Variants in BIRC2 observed in about 807,000 individuals in gnomAD.
The protein encoded by BIRC2 is baculoviral IAP repeat-containing protein 2.
Under a neutral mutation model 60.9 loss-of-function variants are expected in BIRC2, and 18 were observed. The observed-to-expected ratio is 0.30, with a 90% CI of 0.20 to 0.44. The LOEUF is 0.44. Among genes scored for constraint, BIRC2 ranks in the 20% least tolerant of loss-of-function variants. BIRC2 has a pLI of 1.00. For synonymous variants in BIRC2, 282 were observed against 247.7 expected (o/e 1.14, Z -1.30); for missense variants, 701 against 728.5 (o/e 0.96, Z 0.43).
Position 102,350,677 on chromosome 11 carries a change from A to G in BIRC2, c.823A>G (p.Thr275Ala), listed in dbSNP as rs778432166. The stretch of plus-strand genomic sequence containing the variant: ...GCAGACACATGCAGCTCGAATGAGA[A>G]CATTTATGTACTGGCCATCTAGTGT... ...SMQTHAARMR[T>A]FMYWPSSVPV... The change falls in exon 2 of 9, where the codon ACA becomes GCA. Residue 275 changes from threonine to alanine, a missense_variant. Coordinates refer to ENST00000227758, the MANE Select transcript of BIRC2 (RefSeq NM_001166.5). 13 of 1,613,668 alleles carry G rather than the reference A, an allele frequency of 8.1e-6. No homozygotes were observed. Among genetic ancestry groups the G allele is most frequent in the Non-Finnish European group, 1.1e-5 (13 of 1,179,988 alleles).
chr11:102,357,112 A>G (rs561781814), intron 3 of BIRC2, among the ~76,000 whole-genome samples: 1 of 152,222 alleles, frequency 6.6e-6, no homozygotes, highest in East Asian at 1.9e-4. Flanking sequence ...TCGGTTTGCT[A>G]GTATTTGTTG....
intron 5 of BIRC2, among the ~76,000 whole-genome samples, chr11:102,364,174 T>TACACACACACACAC (rs376590420): frequency 1.0e-4 from 8 of 78,100 alleles, no homozygotes; most frequent in African/African-American, 4.7e-4. Flanking sequence ...TATATATATA[T>TACACACACACACAC]ACACACACAC....
At position 102,377,869 on chromosome 11, in the gene BIRC2, T is replaced by C; in HGVS notation, c.1634T>C (p.Met545Thr). ...LYKNLFVDKN[M>T]KYIPTEDVSG... ...TTTCTTTCCTCAGTGGATAAGAATA[T>C]GAAGTATATTCCAACAGAAGATGTT... Residue 545 changes from methionine to threonine, a missense_variant, in exon 8 of 9, where the codon ATG (methionine) becomes ACG (threonine). Around this residue, in one of 4 missense-constraint regions of BIRC2, gnomAD observed 235 missense variants for 208.9 expected, o/e 1.12. Coordinates refer to ENST00000227758, the MANE Select transcript of BIRC2 (RefSeq NM_001166.5). The C allele has an allele frequency of 6.2e-7, 1 of 1,610,786 alleles. No individual in the cohort carries two copies. Among genetic ancestry groups the C allele is most frequent in the East Asian group, 2.2e-5 (1 of 44,852 alleles).
intron 6 of BIRC2, among the ~76,000 whole-genome samples, chr11:102,374,387 G>T (rs1160860593): frequency 6.7e-6 from 1 of 148,428 alleles, no homozygotes; most frequent in African/African-American, 2.5e-5. Flanking sequence ...CCTTCTAACA[G>T]ACAGGACCCT....
chr11:102,361,222 A>T (rs1951481993), intron 3 of BIRC2, among the ~76,000 whole-genome samples: 1 of 152,094 alleles, frequency 6.6e-6, no homozygotes, highest in Non-Finnish European at 1.5e-5. Context: ...TGGGTTCAGG[A>T]TGTTGACTAG....
intron 6 of BIRC2, among the ~76,000 whole-genome samples, chr11:102,370,384 G>A: frequency 6.0e-5 from 7 of 116,746 alleles, no homozygotes; most frequent in Admixed American, 1.8e-4. Flanking sequence ...TTCTACATAT[G>A]GCTAGCCAGT....
intron 3 of BIRC2, among the ~76,000 whole-genome samples, chr11:102,356,900 C>T (rs904889610): frequency 6.6e-6 from 1 of 151,636 alleles, no homozygotes; most frequent in Non-Finnish European, 1.5e-5. Flanking sequence ...AAACTCCTGA[C>T]CTCAGGTGAT....
chr11:102,364,178 CACACACACAGAGAGAGAG>C (rs1951524476), intron 5 of BIRC2, among the ~76,000 whole-genome samples: 2 of 62,740 alleles, frequency 3.2e-5, no homozygotes, highest in African/African-American at 1.8e-4. Flanking sequence ...TATATATACA[CACACACACAGAGAGAGAG>C]AGAGAGAGAG....
At chr11:102,366,117 A>C (rs1951550352) in intron 5 of BIRC2, among the ~76,000 whole-genome samples, 1 of 152,176 alleles carries the variant, frequency 6.6e-6, no homozygotes, top group Admixed American at 6.5e-5. Context: ...TGGCTGTAAC[A>C]GACATTGTAG....
chr11:102,358,174 T>G (rs1285083698), intron 3 of BIRC2, among the ~76,000 whole-genome samples: 1 of 152,170 alleles, frequency 6.6e-6, no homozygotes, highest in African/African-American at 2.4e-5. Context: ...GCTGGATAAT[T>G]TTTCTTGTGT....
chr11:102,366,616 C>A (rs34687523), intron 5 of BIRC2, among the ~76,000 whole-genome samples: 1 of 151,888 alleles, frequency 6.6e-6, no homozygotes, highest in African/African-American at 2.4e-5. Context: ...ATGATCCGCC[C>A]GCCTTGGCTC....
chr11:102,361,049 A>T (rs959904547), intron 3 of BIRC2, among the ~76,000 whole-genome samples: 2 of 151,808 alleles, frequency 1.3e-5, no homozygotes, highest in African/African-American at 4.8e-5. Flanking sequence ...CTCCCATGGG[A>T]GACATTGTGG....
Position 102,349,648 on chromosome 11 carries a change from CAA to C in BIRC2, c.-205_-204del, listed in dbSNP as rs1346611851. On this transcript the variant is annotated 5_prime_UTR_variant, in exon 2 of 9. Transcript: ENST00000227758. ...TTACCTGAAAGAGTTACTACAACCC[CAA>C]AGAGTTGTGTTCTAAGTAGTATCTT... 6.0e-6 allele frequency: 3 copies of C among 497,912 alleles called. No homozygotes were observed. Among genetic ancestry groups the C allele is most frequent in the African/African-American group, 5.8e-5 (3 of 51,946 alleles). The allele number at this position is 497,912 out of a possible 1,614,324, so 30.8% of individuals were successfully genotyped here.
chr11:102,363,230 AAAG>A (rs1289466071), intron 4 of BIRC2, among the ~76,000 whole-genome samples: 1 of 152,176 alleles, frequency 6.6e-6, no homozygotes, highest in African/African-American at 2.4e-5. Context: ...GCTTTTTAAA[AAAG>A]ATTGTTTTTT....
intron 6 of BIRC2, among the ~76,000 whole-genome samples, chr11:102,374,480 GGGGGTCA>G (rs1332318162): frequency 2.7e-5 from 4 of 148,162 alleles, no homozygotes; most frequent in East Asian, 4.3e-4. Context: ...TAGGCTGCTC[GGGGGTCA>G]GGGGTCAGGG....
rs113758237 is a variant in BIRC2 at position 102,356,531 on chromosome 11, C to T, written c.995+5588C>T. The stretch of plus-strand genomic sequence containing the variant: ...TTTTCATTATCGAGTATGATGTTAA[C>T]TGTGCACTTGCCATTTATGGTCCTT... On this transcript the variant is annotated intron_variant, in intron 3 of 8. Transcript: ENST00000227758. 2.9e-3 allele frequency among the ~76,000 whole-genome samples: 438 copies of T among 151,798 alleles called. 3 individuals are homozygous for T. Among genetic ancestry groups the T allele is most frequent in the African/African-American group, 0.01 (421 of 41,394 alleles).
At chr11:102,366,144 C>T (rs1166119752) in intron 5 of BIRC2, among the ~76,000 whole-genome samples, 7 of 152,174 alleles carry the variant, frequency 4.6e-5, no homozygotes, top group African/African-American at 7.2e-5. Flanking sequence ...TATGACCAAA[C>T]CGGAAATTTT....
intron 6 of BIRC2, among the ~76,000 whole-genome samples, chr11:102,377,174 A>G (rs943309965): frequency 1.1e-4 from 17 of 152,360 alleles, no homozygotes; most frequent in African/African-American, 3.4e-4. Context: ...TGCTTACAAA[A>G]GTAAAATGAT....
chr11:102,360,790 T>G (rs1262937803), intron 3 of BIRC2, among the ~76,000 whole-genome samples: 16 of 151,504 alleles, frequency 1.1e-4, no homozygotes, highest in Admixed American at 2.0e-4. Flanking sequence ...TTTTGTTTTT[T>G]TTTTTGTGGG....
Sources: allele counts gnomAD v4.1 joint callset (sites outside exome capture counted in the v4.1 genomes callset), GRCh38; gene constraint gnomAD v4.1.1; regional missense constraint gnomAD v4.1.1; transcripts MANE v1.5; gene names NCBI Gene and HGNC (gene_info 2026-07-23, HGNC 2026-07-21).